PSTPIP1: variants seen among roughly 807,000 people sequenced by gnomAD.
PSTPIP1 encodes proline-serine-threonine phosphatase-interacting protein 1.
A neutral mutation model predicts 69.6 loss-of-function variants in PSTPIP1; 66 were observed. The observed-to-expected ratio is 0.95, with a 90% CI of 0.78 to 1.16. The LOEUF (loss-of-function observed/expected upper bound fraction) is 1.16, where lower values mean the gene tolerates loss of function less well. Ranked by LOEUF, PSTPIP1 falls within the 50% of genes most tolerant of loss-of-function variation. The pLI, the probability that PSTPIP1 is intolerant of heterozygous loss-of-function variation, is 0.00. For synonymous variants in PSTPIP1, 266 were observed against 222.7 expected (o/e 1.19, Z -1.73); for missense variants, 603 against 557.4 (o/e 1.08, Z -0.82).
At chr15:77,006,105 T>A (rs2075810730) in intron 1 of PSTPIP1, among the ~76,000 whole-genome samples, 1 of 152,198 alleles carries the variant, frequency 6.6e-6, no homozygotes, top group Non-Finnish European at 1.5e-5. Context: ...ATCCAATTGC[T>A]CCATATCTTT....
chr15:77,034,607 C>G (rs1211919750), intron 12 of PSTPIP1, among the ~76,000 whole-genome samples: 1 of 152,098 alleles, frequency 6.6e-6, no homozygotes, highest in African/African-American at 2.4e-5. Flanking sequence ...CTCCACAAAC[C>G]CCACCTGTGC....
chr15:77,017,598 C>T (rs994981717), intron 1 of PSTPIP1, among the ~76,000 whole-genome samples: 26 of 152,108 alleles, frequency 1.7e-4, no homozygotes, highest in Admixed American at 1.3e-4. Context: ...CCCAAGAAAC[C>T]GCAATTGCTG....
In PSTPIP1 at chr15:77,027,600, C is replaced by A; in HGVS notation, c.355-252C>A. On this transcript the variant is annotated intron_variant, in intron 5 of 14. Transcript: ENST00000558012. This position sits in a 1 kb window ranked among gnomAD's most constrained non-coding sequence, Gnocchi z 4.3. Reference sequence around the variant, plus strand: ...GTGTGTTGGGGTGGGAACTCCCCAGCTGGAGACGAAGCTCTGGCCAAGGTC... The same window carrying A: ...GTGTGTTGGGGTGGGAACTCCCCAGATGGAGACGAAGCTCTGGCCAAGGTC... 1 of 521,152 alleles carries A rather than the reference C, an allele frequency of 1.9e-6. No individual in the cohort carries two copies. The highest frequency in any genetic ancestry group is 1.8e-5 in the South Asian group (1 of 54,770). The allele number at this position is 521,152 out of a possible 1,614,324, so 32.3% of individuals were successfully genotyped here.
chr15:77,027,539 G>A lies in PSTPIP1; in HGVS notation c.355-313G>A, dbSNP rs1240102408. Among the ~76,000 whole-genome samples, 1 of 152,222 alleles carries A rather than the reference G, an allele frequency of 6.6e-6. No homozygotes were observed. The highest frequency in any genetic ancestry group is 1.5e-5 in the Non-Finnish European group (1 of 68,036). Reference sequence around the variant, plus strand: ...TGTGAGCGACTGTGATGCCTGCAGAGGCTCAGGGATGCAGGATGAACGACT... The same window carrying A: ...TGTGAGCGACTGTGATGCCTGCAGAAGCTCAGGGATGCAGGATGAACGACT... On this transcript the variant is annotated intron_variant, in intron 5 of 14. Coordinates refer to ENST00000558012, the MANE Select transcript of PSTPIP1 (RefSeq NM_003978.5). The surrounding 1 kb of genome is among the most constrained non-coding windows in gnomAD (Gnocchi z 4.3).
intron 1 of PSTPIP1, chr15:77,007,841 G>A (rs1395935581): frequency 1.3e-5 from 6 of 452,342 alleles, no homozygotes; most frequent in South Asian, 3.1e-5. Context: ...TGATCTGCCC[G>A]TCTAGGCCTC....
intron 11 of PSTPIP1, 24 bp downstream of exon 11, chr15:77,032,418 G>T (rs201466172): frequency 6.2e-7 from 1 of 1,609,942 alleles, no homozygotes; most frequent in Admixed American, 1.7e-5. Context: ...TGCGGACAGC[G>T]CAGCCTCTAG....
intron 10 of PSTPIP1, 200 bp downstream of exon 10, chr15:77,031,478 C>T (rs1170950977): frequency 3.4e-5 from 17 of 493,010 alleles, no homozygotes; most frequent in South Asian, 9.2e-5. Flanking sequence ...GCCATGGCTT[C>T]TCTGCCTGGA....
intron 14 of PSTPIP1, 45 bp downstream of exon 14, chr15:77,035,980 AC>A: frequency 2.6e-6 from 4 of 1,537,142 alleles, no homozygotes; most frequent in Non-Finnish European, 3.5e-6. Context: ...CCTCCCCTGC[AC>A]CTGAGAGCTC....
Position 77,008,889 on chromosome 15 carries a change from T to C in PSTPIP1, c.37-9259T>C, listed in dbSNP as rs965781079. On this transcript the variant is annotated intron_variant, in intron 1 of 14. Coordinates refer to ENST00000558012, the MANE Select transcript of PSTPIP1 (RefSeq NM_003978.5). ...GTGTGTAACATGTACACTGGCTGTG[T>C]TGGGCAGAGCAGGGCGATTTCCCAG... Among the ~76,000 whole-genome samples the C allele has an allele frequency of 5.3e-5, 8 of 152,098 alleles. No homozygotes were observed. The East Asian group carries it at 1.5e-3, about 29-fold the overall frequency.
At chr15:77,007,179 C>T (rs1292736344) in intron 1 of PSTPIP1, among the ~76,000 whole-genome samples, 1 of 152,168 alleles carries the variant, frequency 6.6e-6, no homozygotes, top group Non-Finnish European at 1.5e-5. Flanking sequence ...CCTTGAGGCC[C>T]CACCTGCTCT....
chr15:77,009,630 G>A (rs960930199), intron 1 of PSTPIP1, among the ~76,000 whole-genome samples: 2 of 152,134 alleles, frequency 1.3e-5, no homozygotes, highest in African/African-American at 2.4e-5. Flanking sequence ...CCAGGAGCCC[G>A]GTGAGCGTCA....
At position 77,037,424 on chromosome 15, in the gene PSTPIP1, G is replaced by A. The variant is rs891731055; in HGVS notation, c.*248G>A. 1 of 409,920 alleles carries A rather than the reference G, an allele frequency of 2.4e-6. No individual in the cohort carries two copies. The highest frequency in any genetic ancestry group is 2.0e-5 in the African/African-American group (1 of 49,458). The allele number at this position is 409,920 out of a possible 1,614,324, so 25.4% of individuals were successfully genotyped here. A position where few individuals can be genotyped will look rare whatever the true frequency, so the allele number is the denominator to read the frequency against. Reference sequence around the variant, plus strand: ...GGCAAAGGAACAAGGGAAGGAGCCTGGATGTGGAGCTCCCCAACTCAGCCG... The same window carrying A: ...GGCAAAGGAACAAGGGAAGGAGCCTAGATGTGGAGCTCCCCAACTCAGCCG... On this transcript the variant is annotated 3_prime_UTR_variant, in exon 15 of 15. Coordinates refer to ENST00000558012, the MANE Select transcript of PSTPIP1 (RefSeq NM_003978.5).
Position 77,037,317 on chromosome 15 carries a change from AG to A in PSTPIP1, c.*142del. The A allele has an allele frequency of 8.7e-7, 1 of 1,155,994 alleles. No homozygotes were observed. Among genetic ancestry groups the A allele is most frequent in the Non-Finnish European group, 1.2e-6 (1 of 842,290 alleles). 71.6% of individuals were successfully genotyped at this position (1,155,994 alleles called of 1,614,324 possible). A position where few individuals can be genotyped will look rare whatever the true frequency, so the allele number is the denominator to read the frequency against. ...CCTGTCGTCTCCCAGGGAATAAAGGAGTGCGTTCTGTTCTCCTTGGTGTGCT... is the reference window on the plus strand; with the variant it reads ...CCTGTCGTCTCCCAGGGAATAAAGGATGCGTTCTGTTCTCCTTGGTGTGCT... On this transcript the variant is annotated 3_prime_UTR_variant, in exon 15 of 15. Transcript: ENST00000558012.
intron 12 of PSTPIP1, among the ~76,000 whole-genome samples, chr15:77,034,310 T>C (rs1425962359): frequency 3.9e-5 from 6 of 152,146 alleles, no homozygotes; most frequent in African/African-American, 1.4e-4. Context: ...TGTCCTTTGC[T>C]GCCTGGGGAG....
chr15:77,018,449 T>C lies in PSTPIP1; in HGVS notation c.138-8T>C, dbSNP rs1057523945. ...CTGATGATCTTTCAAATGCCCTTTT[T>C]TTTGCAGGGCCCAGGCGGAGGAGCG... is the stretch of plus-strand genomic sequence containing the variant. On this transcript the variant is annotated splice_polypyrimidine_tract_variant and splice_region_variant and intron_variant, in intron 2 of 14. Coordinates refer to ENST00000558012, the MANE Select transcript of PSTPIP1 (RefSeq NM_003978.5). 3 of 1,572,368 alleles carry C rather than the reference T, an allele frequency of 1.9e-6. No individual in the cohort carries two copies. The highest frequency in any genetic ancestry group is 2.6e-6 in the Non-Finnish European group (3 of 1,158,586).
intron 1 of PSTPIP1, among the ~76,000 whole-genome samples, chr15:77,008,946 G>T (rs981454361): frequency 6.6e-6 from 1 of 152,170 alleles, no homozygotes; most frequent in Non-Finnish European, 1.5e-5. Context: ...CTTGGCAGGC[G>T]CCATCTTTGT....
intron 3 of PSTPIP1, chr15:77,024,075 T>A (rs1310242609): frequency 6.6e-6 from 1 of 152,244 alleles, no homozygotes; most frequent in Non-Finnish European, 1.5e-5. Flanking sequence ...TGAAATGGGA[T>A]AATAAAGGCA....
At chr15:77,015,818 C>T (rs936870212) in intron 1 of PSTPIP1, 6 of 417,754 alleles carry the variant, frequency 1.4e-5, no homozygotes, top group East Asian at 7.2e-5. Flanking sequence ...GGCACTTCCT[C>T]GGAACATCCC....
chr15:77,025,373 G>C (rs1202215994), intron 4 of PSTPIP1, 55 bp downstream of exon 4: 2 of 1,581,724 alleles, frequency 1.3e-6, no homozygotes, highest in South Asian at 2.2e-5. Flanking sequence ...GGCTGGTGGA[G>C]GGTTTGGGGG....
Sources: allele counts gnomAD v4.1 joint callset (sites outside exome capture counted in the v4.1 genomes callset), GRCh38; gene constraint gnomAD v4.1.1; non-coding constraint Gnocchi (gnomAD v3.1); transcripts MANE v1.5; gene names NCBI Gene and HGNC (gene_info 2026-07-23, HGNC 2026-07-21).